TPX2: variants seen among roughly 807,000 people sequenced by gnomAD.
The protein encoded by TPX2 is TPX2 microtubule nucleation factor, also known as targeting protein for Xklp2.
Under a neutral mutation model 93.6 loss-of-function variants are expected in TPX2, and 21 were observed. The ratio of observed to expected loss-of-function variants is 0.22; its 90% confidence interval spans 0.16 to 0.32. The LOEUF is 0.32. Among genes scored for constraint, TPX2 ranks in the 10% least tolerant of loss-of-function variants. The pLI is 1.00. For missense variants in TPX2, 776 were observed against 871.1 expected, an observed-to-expected ratio of 0.89 and a Z score of 1.37; for synonymous variants, 281 against 298.3, an observed-to-expected ratio of 0.94 and a Z score of 0.60.
chr20:31,799,411 T>C (rs1470333408), intron 17 of TPX2, among the ~76,000 whole-genome samples: 1 of 152,244 alleles, frequency 6.6e-6, no homozygotes, highest in Non-Finnish European at 1.5e-5. Flanking sequence ...TATTGTATTC[T>C]TGAAAACTGT....
intron 6 of TPX2, among the ~76,000 whole-genome samples, chr20:31,770,898 C>CTTTT (rs35680390): frequency 8.3e-6 from 1 of 120,286 alleles, no homozygotes. Flanking sequence ...TGATTTTTAG[C>CTTTT]TTTTTTTTTT....
intron 4 of TPX2, among the ~76,000 whole-genome samples, chr20:31,764,153 T>C (rs901075450): frequency 6.7e-6 from 1 of 149,372 alleles, no homozygotes; most frequent in Non-Finnish European, 1.5e-5. Flanking sequence ...TATGTGTACA[T>C]ACATGTACAC....
At position 31,801,760 on chromosome 20, in the gene TPX2, T is replaced by G. The variant is rs890737991; in HGVS notation, c.*680T>G. On this transcript the variant is annotated 3_prime_UTR_variant, in exon 18 of 18. Coordinates refer to ENST00000300403, the MANE Select transcript of TPX2 (RefSeq NM_012112.5). The stretch of plus-strand genomic sequence containing the variant: ...AACAGGGAACCGTGCAGTGTGCATT[T>G]TAAGACCTGGCCTGGAATAAATACG... 4 of 152,250 alleles carry G rather than the reference T, an allele frequency of 2.6e-5. No homozygotes were observed. The highest frequency in any genetic ancestry group is 9.7e-5 in the African/African-American group (4 of 41,446). 9.4% of individuals were successfully genotyped at this position (152,250 alleles called of 1,614,324 possible). A position where few individuals can be genotyped will look rare whatever the true frequency, so the allele number is the denominator to read the frequency against.
At chr20:31,796,622 A>G (rs1392566216) in intron 15 of TPX2, among the ~76,000 whole-genome samples, 3 of 151,940 alleles carry the variant, frequency 2.0e-5, no homozygotes, top group Non-Finnish European at 4.4e-5. Flanking sequence ...GTTCCCACAC[A>G]GTTGTCTAAC....
At chr20:31,791,233 GAAA>G (rs908742386) in intron 12 of TPX2, among the ~76,000 whole-genome samples, 1 of 152,130 alleles carries the variant, frequency 6.6e-6, no homozygotes, top group African/African-American at 2.4e-5. Flanking sequence ...TGTGTTTCAC[GAAA>G]AGGAATTTGT....
chr20:31,794,986 A>G (rs1023977966), intron 15 of TPX2, among the ~76,000 whole-genome samples: 4 of 151,598 alleles, frequency 2.6e-5, no homozygotes, highest in Non-Finnish European at 4.4e-5. Context: ...AAGCCTGGCT[A>G]ATTTTTTTAT....
At chr20:31,792,891 T>C (rs565796762) in intron 13 of TPX2, 61 bp downstream of exon 13, 29 of 1,456,604 alleles carry the variant, frequency 2.0e-5, no homozygotes, top group Admixed American at 1.4e-4. Context: ...ATCTAAGCCT[T>C]ATCATTTATT....
intron 5 of TPX2, among the ~76,000 whole-genome samples, chr20:31,769,668 T>C (rs2061952532): frequency 6.6e-6 from 1 of 152,154 alleles, no homozygotes; most frequent in Admixed American, 6.5e-5. Flanking sequence ...TGGTTGTCAG[T>C]GTTCTGTATT....
At chr20:31,798,594 TG>T (rs1568613471) in intron 17 of TPX2, 42 bp downstream of exon 17, 1 of 1,538,718 alleles carries the variant, frequency 6.5e-7, no homozygotes. Flanking sequence ...AACATGCCTC[TG>T]TTTTATTTTA....
intron 7 of TPX2, among the ~76,000 whole-genome samples, chr20:31,773,734 A>G (rs2061978759): frequency 6.6e-6 from 1 of 152,194 alleles, no homozygotes; most frequent in South Asian, 2.1e-4. Context: ...GTAAATTGAT[A>G]ATTTATAGTT....
At chr20:31,769,501 T>C (rs2061951193) in intron 5 of TPX2, among the ~76,000 whole-genome samples, 1 of 152,036 alleles carries the variant, frequency 6.6e-6, no homozygotes, top group South Asian at 2.1e-4. Context: ...TTTTTCTGTA[T>C]TTTTAGTAGA....
chr20:31,793,825 C>G (rs1454510046), intron 13 of TPX2, 23 bp from the exon 14 acceptor site: 4 of 1,547,436 alleles, frequency 2.6e-6, no homozygotes, highest in African/African-American at 2.8e-5. Flanking sequence ...AGTCTTATTT[C>G]TAAACTGCAA....
chr20:31,786,314 T>C (rs1232700772), intron 12 of TPX2, among the ~76,000 whole-genome samples: 2 of 149,944 alleles, frequency 1.3e-5, no homozygotes, highest in African/African-American at 4.9e-5. Flanking sequence ...TCTTAGGAAG[T>C]ATGTGCTTAT....
intron 4 of TPX2, among the ~76,000 whole-genome samples, chr20:31,763,871 T>G (rs2061906940): frequency 6.6e-6 from 1 of 151,250 alleles, no homozygotes; most frequent in Non-Finnish European, 1.5e-5. Context: ...ATACAAAAAT[T>G]AGCCGGGTGT....
rs763603561 is a variant in TPX2 at position 31,792,728 on chromosome 20, C to T, written c.1414-7C>T. 1.2e-6 allele frequency: 2 copies of T among 1,611,344 alleles called. No homozygotes were observed. The highest frequency in any genetic ancestry group is 1.3e-5 in the African/African-American group (1 of 74,980). ...TGATATCTAATTGAGTTGCTTACTC[C>T]TTTCAGGGTGTTCCTGAAAAGAAGG... On this transcript the variant is annotated splice_polypyrimidine_tract_variant and splice_region_variant and intron_variant, in intron 12 of 17. Coordinates refer to ENST00000300403, the MANE Select transcript of TPX2 (RefSeq NM_012112.5).
intron 16 of TPX2, 143 bp downstream of exon 16, chr20:31,797,658 C>T (rs2062146668): frequency 2.8e-6 from 2 of 719,138 alleles, no homozygotes; most frequent in East Asian, 2.9e-5. Context: ...TCCCCTAGAC[C>T]CAGTTTTTTG....
intron 7 of TPX2, among the ~76,000 whole-genome samples, chr20:31,774,351 G>T (rs2061982519): frequency 6.6e-6 from 1 of 152,064 alleles, no homozygotes; most frequent in Non-Finnish European, 1.5e-5. Context: ...TGACAAGATT[G>T]TATTACTGCT....
intron 2 of TPX2, among the ~76,000 whole-genome samples, chr20:31,748,238 T>G (rs1030420814): frequency 6.6e-6 from 1 of 152,172 alleles, no homozygotes. Context: ...TTAAGTGTAC[T>G]TAGGTTTGCA....
rs745851412 is a variant in TPX2, at chr20:31,783,809, A to C, written c.1301A>C (p.Asp434Ala). ...CCACCCACCGAGCCTATTGGCTTTG[A>C]TTTGGAAATTGAGAAAAGAATCCAG... ...VKPPTEPIGF[D>A]LEIEKRIQER... is the part of the protein sequence containing the mutation. Residue 434 changes from aspartate (D) to alanine (A), a missense_variant, in exon 12 of 18, where the codon GAT becomes GCT. Transcript: ENST00000300403. The C allele has an allele frequency of 7.4e-6, 12 of 1,613,016 alleles. No homozygotes were observed. The African/African-American group carries it at 1.3e-4, about 18-fold the overall frequency.
Sources: allele counts gnomAD v4.1 joint callset (sites outside exome capture counted in the v4.1 genomes callset), GRCh38; gene constraint gnomAD v4.1.1; transcripts MANE v1.5; gene names NCBI Gene and HGNC (gene_info 2026-07-23, HGNC 2026-07-21).